FBXW4: variants seen among roughly 807,000 people sequenced by gnomAD.
The protein encoded by FBXW4 is F-box/WD repeat-containing protein 4.
A neutral mutation model predicts 61.8 loss-of-function variants in FBXW4; 40 were observed. That is an observed-to-expected ratio of 0.65 (90% CI 0.50 to 0.84). The LOEUF is 0.84. Among genes scored for constraint, FBXW4 ranks in the 40% least tolerant of loss-of-function variants. FBXW4 has a pLI of 0.00. For missense variants in FBXW4, 672 were observed against 753.8 expected (o/e 0.89, Z 1.27); for synonymous variants, 311 against 313.8 (o/e 0.99, Z 0.10).
intron 6 of FBXW4, among the ~76,000 whole-genome samples, chr10:101,617,692 CCG>C (rs2063836307): frequency 6.6e-6 from 1 of 152,132 alleles, no homozygotes; most frequent in South Asian, 2.1e-4. Flanking sequence ...GAAGGGGCAG[CCG>C]CGTAGATAAA....
At chr10:101,623,943 G>C (rs2063887205) in intron 6 of FBXW4, among the ~76,000 whole-genome samples, 1 of 152,152 alleles carries the variant, frequency 6.6e-6, no homozygotes, top group Admixed American at 6.5e-5. Flanking sequence ...AGAGGAGGAG[G>C]GGAGAAGGAT....
intron 5 of FBXW4, among the ~76,000 whole-genome samples, chr10:101,652,712 ACC>A: frequency 6.6e-6 from 1 of 152,300 alleles, no homozygotes; most frequent in Non-Finnish European, 1.5e-5. Context: ...ATACATTTTT[ACC>A]TTATTGGTGG....
chr10:101,611,817 C>A lies in FBXW4; in HGVS notation c.1443-48G>T. On this transcript the variant is annotated intron_variant, in intron 7 of 8. Transcript: ENST00000331272. The surrounding 1 kb of genome is among the most constrained non-coding windows in gnomAD (Gnocchi z 4.9). ...GAGGGAGGTTTAGGGTACCCTCCAC[C>A]TCTACCCCAGCTTTCTTGGGCCTAG... 1 of 1,584,902 alleles carries A rather than the reference C, an allele frequency of 6.3e-7. No homozygotes were observed. Among genetic ancestry groups the A allele is most frequent in the Non-Finnish European group, 8.6e-7 (1 of 1,162,728 alleles).
At chr10:101,655,454 A>G (rs1406725161) in intron 5 of FBXW4, among the ~76,000 whole-genome samples, 1 of 152,214 alleles carries the variant, frequency 6.6e-6, no homozygotes, top group East Asian at 1.9e-4. Flanking sequence ...GATACTAGTA[A>G]GAGTCCAACT....
At chr10:101,613,714 G>A (rs547936247) in intron 6 of FBXW4, among the ~76,000 whole-genome samples, 7 of 152,320 alleles carry the variant, frequency 4.6e-5, no homozygotes, top group Admixed American at 2.0e-4. Context: ...CCCGAAGGCC[G>A]AAGGAATCAA....
At position 101,694,814 on chromosome 10, in the gene FBXW4, T is replaced by G; in HGVS notation, c.292A>C (p.Ile98Leu). 5.3e-6 allele frequency: 7 copies of G among 1,325,784 alleles called. No individual in the cohort carries two copies. Among genetic ancestry groups the G allele is most frequent in the Non-Finnish European group, 5.8e-6 (6 of 1,043,106 alleles). 82.1% of individuals were successfully genotyped at this position (1,325,784 alleles called of 1,614,324 possible). Residue 98 changes from isoleucine to leucine, a missense_variant, in exon 1 of 9, where the codon ATC becomes CTC. This residue lies in a region of FBXW4 where 311 missense variants were observed against 301.1 expected (regional missense o/e 1.03). Transcript: ENST00000331272. This position sits in a 1 kb window ranked among gnomAD's most constrained non-coding sequence, Gnocchi z 6.0. Reference protein sequence around the residue: ...GRSVEEGARGIVKGVEGSAGA... With the variant: ...GRSVEEGARGLVKGVEGSAGA... ...GCGCTCCCCTCGACTCCCTTGACGA[T>G]GCCTCTCGCCCCTTCCTCCACGCTT...
intron 6 of FBXW4, among the ~76,000 whole-genome samples, chr10:101,621,840 A>C (rs1271812225): frequency 6.6e-6 from 1 of 152,174 alleles, no homozygotes; most frequent in Non-Finnish European, 1.5e-5. Context: ...GAAGAAGAGG[A>C]GGCCCTGGAA....
intron 1 of FBXW4, among the ~76,000 whole-genome samples, chr10:101,689,210 T>C (rs2064564186): frequency 6.6e-6 from 1 of 152,130 alleles, no homozygotes; most frequent in African/African-American, 2.4e-5. Context: ...ATACTACAGA[T>C]TGCTCATCTC....
intron 6 of FBXW4, among the ~76,000 whole-genome samples, chr10:101,619,575 C>T (rs2063851789): frequency 5.9e-5 from 9 of 151,458 alleles, no homozygotes. Context: ...AGGAGGATGG[C>T]GTGAACCCGG....
chr10:101,650,902 C>T (rs564819850), intron 5 of FBXW4, among the ~76,000 whole-genome samples: 3 of 152,296 alleles, frequency 2.0e-5, no homozygotes, highest in Non-Finnish European at 2.9e-5. Context: ...TCTCGAGAGA[C>T]GCGGCCTGTT....
chr10:101,683,356 C>T (rs570015104), intron 1 of FBXW4, among the ~76,000 whole-genome samples: 1 of 152,374 alleles, frequency 6.6e-6, no homozygotes, highest in East Asian at 1.9e-4. Flanking sequence ...CCCAGCCCTC[C>T]TTCTCTTGCC....
chr10:101,643,170 C>T (rs1370641048), intron 5 of FBXW4, among the ~76,000 whole-genome samples: 1 of 152,234 alleles, frequency 6.6e-6, no homozygotes, highest in Non-Finnish European at 1.5e-5. Context: ...GTCTCCACAC[C>T]TCACCTCATC....
In FBXW4 at chr10:101,694,631, C is replaced by T; in HGVS notation, c.475G>A (p.Ala159Thr). ...TCCTCCTCCTCCTCCTCCCCGGCCG[C>T]CGCCGCCATGGCCACCCCTGTCCCC... ...IAGTGVAMAA[A>T]AGEEEEEEEA... Residue 159 changes from alanine to threonine, a missense_variant, in exon 1 of 9, where the codon GCG becomes ACG. Around this residue, in one of 5 missense-constraint regions of FBXW4, gnomAD observed 311 missense variants for 301.1 expected, o/e 1.03. Transcript: ENST00000331272. The surrounding 1 kb of genome is among the most constrained non-coding windows in gnomAD (Gnocchi z 6.0). The T allele has an allele frequency of 7.0e-7, 1 of 1,429,814 alleles. No individual in the cohort carries two copies. The highest frequency in any genetic ancestry group is 1.5e-5 in the South Asian group (1 of 67,630). 88.6% of individuals were successfully genotyped at this position (1,429,814 alleles called of 1,614,324 possible). A position where few individuals can be genotyped will look rare whatever the true frequency, so the allele number is the denominator to read the frequency against.
chr10:101,614,268 A>C (rs779551762), intron 6 of FBXW4, among the ~76,000 whole-genome samples: 1 of 152,190 alleles, frequency 6.6e-6, no homozygotes, highest in Non-Finnish European at 1.5e-5. Flanking sequence ...GTTTGTTTGA[A>C]ATAGAAGATG....
intron 5 of FBXW4, among the ~76,000 whole-genome samples, chr10:101,634,764 A>C (rs2063987052): frequency 6.7e-6 from 1 of 149,300 alleles, no homozygotes; most frequent in Non-Finnish European, 1.5e-5. Flanking sequence ...ACATTTTTAA[A>C]CTGTATGAAA....
chr10:101,632,495 C>T (rs967809823), intron 5 of FBXW4, among the ~76,000 whole-genome samples: 3 of 152,108 alleles, frequency 2.0e-5, no homozygotes, highest in African/African-American at 7.2e-5. Context: ...GATAGGAGAG[C>T]CTAGCCCAGG....
chr10:101,685,553 C>G (rs1054259387), intron 1 of FBXW4, among the ~76,000 whole-genome samples: 9 of 152,268 alleles, frequency 5.9e-5, no homozygotes, highest in African/African-American at 1.9e-4. Context: ...TTCAGAGGAA[C>G]ATATATGAAC....
chr10:101,640,848 T>C (rs955698420), intron 5 of FBXW4, among the ~76,000 whole-genome samples: 1 of 147,568 alleles, frequency 6.8e-6, no homozygotes, highest in African/African-American at 2.5e-5. Flanking sequence ...CCGCCTTTTT[T>C]GAGACCAAGT....
At chr10:101,687,218 G>T (rs2064542820) in intron 1 of FBXW4, among the ~76,000 whole-genome samples, 1 of 152,016 alleles carries the variant, frequency 6.6e-6, no homozygotes, top group Non-Finnish European at 1.5e-5. Flanking sequence ...ACAGATTGTG[G>T]ATTTCCTCTC....
Sources: gnomAD v4.1 joint callset for allele counts (sites outside exome capture counted in the v4.1 genomes callset) on GRCh38, gnomAD v4.1.1 for gene constraint, gnomAD v4.1.1 regional missense constraint, Gnocchi (gnomAD v3.1) non-coding constraint, MANE v1.5 for transcripts, NCBI Gene and HGNC (gene_info 2026-07-23, HGNC 2026-07-21) for gene names.